ATP10A: variants seen among roughly 807,000 people sequenced by gnomAD.
ATP10A encodes the protein phospholipid-transporting ATPase VA.
A neutral mutation model predicts 147.8 loss-of-function variants in ATP10A; 111 were observed. The ratio of observed to expected loss-of-function variants is 0.75; its 90% confidence interval spans 0.64 to 0.88. ATP10A has a LOEUF of 0.88. Ranked by LOEUF, ATP10A falls within the 40% of genes least tolerant of loss-of-function variation. ATP10A has a pLI of 0.00. For synonymous variants in ATP10A, 875 were observed against 841.6 expected (o/e 1.04, Z -0.69); for missense variants, 1,927 against 1,959.0 (o/e 0.98, Z 0.31).
chr15:25,835,513 G>A (rs868123624), intron 1 of ATP10A, among the ~76,000 whole-genome samples: 14 of 152,136 alleles, frequency 9.2e-5, no homozygotes, highest in Non-Finnish European at 1.8e-4. Flanking sequence ...TATGGGGTCA[G>A]CACAGTTTTT....
chr15:25,782,572 G>A (rs1198410977), intron 1 of ATP10A, among the ~76,000 whole-genome samples: 1 of 152,168 alleles, frequency 6.6e-6, no homozygotes, highest in African/African-American at 2.4e-5. Context: ...CTTGGCAGTT[G>A]GAAGGCCCCC....
At chr15:25,822,725 A>G (rs1325470728) in intron 1 of ATP10A, among the ~76,000 whole-genome samples, 1 of 152,208 alleles carries the variant, frequency 6.6e-6, no homozygotes. Context: ...AATAATTATT[A>G]GAGAAAATTA....
Position 25,734,722 on chromosome 15 carries a change from A to C in ATP10A, c.740+1334T>G, listed in dbSNP as rs1887161826. Among the ~76,000 whole-genome samples, 6 of 152,278 alleles carry C rather than the reference A, an allele frequency of 3.9e-5. No individual in the cohort carries two copies. In the South Asian group the frequency reaches 1.2e-3, roughly 32 times the overall value. ...CTTTAATTGGCTTATTTAAGGGGTG[A>C]TTTAATGCTATCGGTGTCTGATTCT... On this transcript the variant is annotated intron_variant, in intron 3 of 20. Transcript: ENST00000555815.
At chr15:25,822,054 T>C (rs4325531) in intron 1 of ATP10A, among the ~76,000 whole-genome samples, 52,743 of 151,934 alleles carry the variant, frequency 0.35, 10,453 homozygotes, top group African/African-American at 0.54. Flanking sequence ...TCTATACACA[T>C]CCTCCCACAG....
At chr15:25,756,638 A>C (rs12906605) in intron 2 of ATP10A, among the ~76,000 whole-genome samples, 1 of 151,666 alleles carries the variant, frequency 6.6e-6, no homozygotes, top group Non-Finnish European at 1.5e-5. Flanking sequence ...GCAAGACTCC[A>C]TCTCAAATAA....
At chr15:25,817,373 G>A (rs1038951153) in intron 1 of ATP10A, among the ~76,000 whole-genome samples, 21 of 152,124 alleles carry the variant, frequency 1.4e-4, no homozygotes, top group African/African-American at 5.1e-4. Context: ...GTGAGCCACC[G>A]CACCCAGCCT....
At chr15:25,733,487 C>A (rs747308184) in intron 3 of ATP10A, among the ~76,000 whole-genome samples, 5 of 152,134 alleles carry the variant, frequency 3.3e-5, no homozygotes, top group South Asian at 2.1e-4. Context: ...GCTGATGGTC[C>A]GGGGCAGGGC....
At chr15:25,835,778 C>T (rs1180747458) in intron 1 of ATP10A, among the ~76,000 whole-genome samples, 2 of 152,168 alleles carry the variant, frequency 1.3e-5, no homozygotes, top group African/African-American at 2.4e-5. Flanking sequence ...ATTACAAGCT[C>T]GTGCCACCAC....
chr15:25,814,554 C>T (rs1460860206), intron 1 of ATP10A, among the ~76,000 whole-genome samples: 1 of 152,188 alleles, frequency 6.6e-6, no homozygotes, highest in African/African-American at 2.4e-5. Context: ...TCCTCAGTAC[C>T]ATCCGTGATG....
At chr15:25,702,827 C>T (rs967753267) in intron 12 of ATP10A, among the ~76,000 whole-genome samples, 3 of 151,068 alleles carry the variant, frequency 2.0e-5, no homozygotes, top group Admixed American at 6.6e-5. Flanking sequence ...TGGAAGTGAG[C>T]TGCAGCCCTG....
chr15:25,808,635 C>A (rs559534415), intron 1 of ATP10A, among the ~76,000 whole-genome samples: 1 of 152,208 alleles, frequency 6.6e-6, no homozygotes, highest in South Asian at 2.1e-4. Context: ...CCACCCGCCT[C>A]GGACTCCCCA....
intron 1 of ATP10A, among the ~76,000 whole-genome samples, chr15:25,787,009 C>A (rs1890202664): frequency 6.6e-6 from 1 of 151,924 alleles, no homozygotes; most frequent in South Asian, 2.1e-4. Context: ...ATGACCCAGG[C>A]CTGCACAGAA....
chr15:25,767,474 C>T (rs1889088515), intron 2 of ATP10A, among the ~76,000 whole-genome samples: 1 of 152,212 alleles, frequency 6.6e-6, no homozygotes, highest in African/African-American at 2.4e-5. Context: ...GTTTGCAGCA[C>T]AGCCCCTCCT....
chr15:25,862,650 G>A lies in ATP10A; in HGVS notation c.447C>T (p.Ser149=). The change falls in exon 1 of 21, where the codon AGC becomes AGT. Residue 149 remains serine (S), a splice_region_variant and synonymous_variant. Transcript: ENST00000555815. ...KINHLGCLVF[S]REEKKYVNRF... is the part of the protein sequence containing the mutation. ...GCTCGCCCGCCCGCCCAACTCACCT[G>A]CTGAAGACCAGGCAGCCCAGGTGGT... is the stretch of plus-strand genomic sequence containing the variant. The A allele has an allele frequency of 6.3e-7, 1 of 1,575,296 alleles. No individual in the cohort carries two copies.
intron 1 of ATP10A, among the ~76,000 whole-genome samples, chr15:25,828,595 A>C (rs1892219110): frequency 6.6e-6 from 1 of 152,234 alleles, no homozygotes; most frequent in Non-Finnish European, 1.5e-5. Flanking sequence ...AGATGAACGC[A>C]AACAAAAATC....
intron 3 of ATP10A, among the ~76,000 whole-genome samples, chr15:25,735,528 T>C (rs149432540): frequency 5.4e-4 from 82 of 152,296 alleles, no homozygotes; most frequent in Non-Finnish European, 1.0e-3. Context: ...AGGTTATGCT[T>C]ATTTGTTTTA....
chr15:25,835,789 G>A (rs555896108), intron 1 of ATP10A, among the ~76,000 whole-genome samples: 12 of 152,052 alleles, frequency 7.9e-5, no homozygotes, highest in South Asian at 4.2e-4. Context: ...GTGCCACCAC[G>A]CCCAGCTAAT....
intron 1 of ATP10A, among the ~76,000 whole-genome samples, chr15:25,839,100 C>T (rs1892702872): frequency 6.6e-6 from 1 of 152,166 alleles, no homozygotes; most frequent in African/African-American, 2.4e-5. Flanking sequence ...GTATCCAATA[C>T]CCATTCTGTT....
At chr15:25,821,935 C>G (rs1891909617) in intron 1 of ATP10A, among the ~76,000 whole-genome samples, 1 of 152,134 alleles carries the variant, frequency 6.6e-6, no homozygotes, top group Admixed American at 6.5e-5. Context: ...AAAATTCAGT[C>G]AACCCTCCAG....
Sources: gnomAD v4.1 joint callset for allele counts (sites outside exome capture counted in the v4.1 genomes callset) on GRCh38, gnomAD v4.1.1 for gene constraint, MANE v1.5 for transcripts, NCBI Gene and HGNC (gene_info 2026-07-23, HGNC 2026-07-21) for gene names.